The following GABRB1 variants were observed in gnomAD, a reference collection of about 807,000 sequenced individuals.
The protein encoded by GABRB1 is gamma-aminobutyric acid type A receptor subunit beta1, also known as gamma-aminobutyric acid receptor subunit beta-1.
In GABRB1, 17 loss-of-function variants were observed where a neutral mutation model predicts 51.6. The observed-to-expected ratio is 0.33, with a 90% CI of 0.23 to 0.49. The LOEUF (loss-of-function observed/expected upper bound fraction) is 0.49. Among genes scored for constraint, GABRB1 ranks in the 20% least tolerant of loss-of-function variants. The probability of loss-of-function intolerance (pLI) is 0.99; values close to 1 mark genes in which losing one functional copy is unlikely to be tolerated. For missense variants in GABRB1, 410 were observed against 600.6 expected, an observed-to-expected ratio of 0.68 and a Z score of 3.32; for synonymous variants, 247 against 218.9, an observed-to-expected ratio of 1.13 and a Z score of -1.14.
At chr4:47,201,721 TAAA>T (rs952180721) in intron 4 of GABRB1, among the ~76,000 whole-genome samples, 2 of 152,126 alleles carry the variant, frequency 1.3e-5, no homozygotes, top group African/African-American at 4.8e-5. Flanking sequence ...TGTTTAATAA[TAAA>T]AAGTTGTGAA....
At chr4:47,343,486 G>A (rs999503921) in intron 5 of GABRB1, among the ~76,000 whole-genome samples, 3 of 152,162 alleles carry the variant, frequency 2.0e-5, no homozygotes, top group African/African-American at 4.8e-5. Flanking sequence ...TCAAGCCAAT[G>A]AATTCAGTAA....
chr4:47,077,906 A>T (rs1482264647), intron 3 of GABRB1, among the ~76,000 whole-genome samples: 5 of 134,652 alleles, frequency 3.7e-5, no homozygotes, highest in South Asian at 2.2e-4. Context: ...TATGTATTTT[A>T]TATATATTAT....
chr4:47,159,704 T>A (rs1717855157), intron 3 of GABRB1, among the ~76,000 whole-genome samples: 1 of 152,078 alleles, frequency 6.6e-6, no homozygotes, highest in Non-Finnish European at 1.5e-5. Flanking sequence ...TGGAATTCAT[T>A]GTGAGGAATG....
intron 3 of GABRB1, among the ~76,000 whole-genome samples, chr4:47,056,339 A>G (rs1726601525): frequency 6.6e-6 from 1 of 152,192 alleles, no homozygotes; most frequent in African/African-American, 2.4e-5. Context: ...GCATTTGTTC[A>G]ATATCACTGC....
chr4:47,252,826 T>C (rs578191926), intron 4 of GABRB1, among the ~76,000 whole-genome samples: 1 of 152,292 alleles, frequency 6.6e-6, no homozygotes, highest in South Asian at 2.1e-4. Context: ...CCTGTACACA[T>C]TTCTTTATTG....
chr4:47,029,377 T>C (rs956285818), upstream of GABRB1, among the ~76,000 whole-genome samples: 6 of 151,940 alleles, frequency 3.9e-5, no homozygotes. Flanking sequence ...ACAATTCCTT[T>C]AATTTGCAAT....
At chr4:47,100,698 T>G (rs1361874980) in intron 3 of GABRB1, among the ~76,000 whole-genome samples, 1 of 151,896 alleles carries the variant, frequency 6.6e-6, no homozygotes, top group Non-Finnish European at 1.5e-5. Flanking sequence ...AATTTAAAAA[T>G]AATTATAATA....
intron 1 of GABRB1, among the ~76,000 whole-genome samples, chr4:47,001,968 T>C (rs551380223): frequency 6.6e-6 from 1 of 152,346 alleles, no homozygotes; most frequent in South Asian, 2.1e-4. Context: ...CAACAACTTA[T>C]TGTTTTTATT....
At chr4:47,162,876 C>T (rs965151443) in intron 4 of GABRB1, among the ~76,000 whole-genome samples, 14 of 152,020 alleles carry the variant, frequency 9.2e-5, no homozygotes, top group Admixed American at 9.2e-4. Flanking sequence ...AAACACAAAC[C>T]ATTCATCTAT....
intron 4 of GABRB1, among the ~76,000 whole-genome samples, chr4:47,186,071 T>C (rs896621572): frequency 1.5e-4 from 23 of 151,846 alleles, no homozygotes; most frequent in South Asian, 4.1e-4. Flanking sequence ...CCAAAGTTCT[T>C]AATTGAACGT....
intron 5 of GABRB1, among the ~76,000 whole-genome samples, chr4:47,372,607 C>T (rs552604397): frequency 2.0e-5 from 3 of 152,272 alleles, no homozygotes; most frequent in Admixed American, 6.5e-5. Context: ...AGAATTGCAA[C>T]AGGAGGAAAA....
chr4:47,014,686 C>T (rs1343339939), intron 1 of GABRB1, among the ~76,000 whole-genome samples: 1 of 152,032 alleles, frequency 6.6e-6, no homozygotes, highest in Non-Finnish European at 1.5e-5. Flanking sequence ...AATGTCCAAA[C>T]TGAAAATAAA....
At chr4:47,261,073 A>T (rs1392701248) in intron 4 of GABRB1, among the ~76,000 whole-genome samples, 1 of 152,210 alleles carries the variant, frequency 6.6e-6, no homozygotes, top group Non-Finnish European at 1.5e-5. Context: ...CCTATCTATG[A>T]CGAACCCACA....
chr4:47,352,601 G>T (rs905781479), intron 5 of GABRB1, among the ~76,000 whole-genome samples: 1 of 152,150 alleles, frequency 6.6e-6, no homozygotes, highest in African/African-American at 2.4e-5. Context: ...GGGATGCAAG[G>T]CTGGTTCAAT....
At chr4:47,279,818 G>C (rs1723211147) in intron 4 of GABRB1, among the ~76,000 whole-genome samples, 1 of 149,068 alleles carries the variant, frequency 6.7e-6, no homozygotes, top group African/African-American at 2.5e-5. Context: ...GATGAAGTGA[G>C]TTTCCTGAAT....
Position 47,403,659 on chromosome 4 carries a change from C to T in GABRB1, c.783C>T (p.Ser261=), listed in dbSNP as rs779969422. The T allele has an allele frequency of 1.2e-6, 2 of 1,613,652 alleles. No homozygotes were observed. The highest frequency in any genetic ancestry group is 2.2e-5 in the East Asian group (1 of 44,890). The change falls in exon 7 of 9, where the codon TCC becomes TCT. Residue 261 remains serine (S), a synonymous_variant. Transcript: ENST00000295454. The part of the protein sequence containing the change: ...YMPSTLITIL[S]WVSFWINYDA... ...CTTCTACACTGATTACAATTCTGTC[C>T]TGGGTGTCTTTTTGGATCAACTATG...
intron 4 of GABRB1, among the ~76,000 whole-genome samples, chr4:47,314,516 T>C (rs1724814602): frequency 6.6e-6 from 1 of 151,998 alleles, no homozygotes; most frequent in South Asian, 2.1e-4. Flanking sequence ...ATGGACTAAA[T>C]AAAGTGAGAT....
chr4:47,361,027 C>T (rs2110009562), intron 5 of GABRB1, among the ~76,000 whole-genome samples: 1 of 152,158 alleles, frequency 6.6e-6, no homozygotes, highest in East Asian at 1.9e-4. Flanking sequence ...TTTTGCATAA[C>T]TTGATAAAGA....
chr4:47,121,188 C>T (rs1375594464), intron 3 of GABRB1, among the ~76,000 whole-genome samples: 1 of 152,200 alleles, frequency 6.6e-6, no homozygotes, highest in Non-Finnish European at 1.5e-5. Flanking sequence ...TAGGGCTCAT[C>T]TAAATGCTCC....
Sources: gnomAD v4.1 joint callset for allele counts (sites outside exome capture counted in the v4.1 genomes callset) on GRCh38, gnomAD v4.1.1 for gene constraint, MANE v1.5 for transcripts, NCBI Gene and HGNC (gene_info 2026-07-23, HGNC 2026-07-21) for gene names.